The following GPCPD1 variants were observed in gnomAD, a reference collection of about 807,000 sequenced individuals.
GPCPD1 encodes glycerophosphocholine phosphodiesterase 1, also known as glycerophosphocholine phosphodiesterase GPCPD1.
In GPCPD1, 29 loss-of-function variants were observed where a neutral mutation model predicts 89.2. The ratio of observed to expected loss-of-function variants is 0.33; its 90% CI spans 0.24 to 0.44. The LOEUF is 0.44. Ranked by LOEUF, GPCPD1 falls within the 20% of genes least tolerant of loss-of-function variation. The pLI, the probability that GPCPD1 is intolerant of heterozygous loss-of-function variation, is 1.00. For missense variants in GPCPD1, 594 were observed against 808.9 expected (o/e 0.73, Z 3.22); for synonymous variants, 258 against 266.3 (o/e 0.97, Z 0.30).
chr20:5,607,308 A>G lies in GPCPD1; in HGVS notation c.-28-2868T>C, dbSNP rs527885144. ...TCTCAAAAGAAAAGAAAGAAAGAAA[A>G]AAGGCCGGGCATGGTGGCTCATGCC... On this transcript the variant is annotated intron_variant, in intron 1 of 19. Coordinates refer to ENST00000379019, the MANE Select transcript of GPCPD1 (RefSeq NM_019593.5). Among the ~76,000 whole-genome samples, 220 of 147,430 alleles carry G rather than the reference A, an allele frequency of 1.5e-3. 1 individual carries two copies. Among genetic ancestry groups the G allele is most frequent in the Middle Eastern group, 4.0e-3 (1 of 250 alleles).
intron 19 of GPCPD1, among the ~76,000 whole-genome samples, chr20:5,556,218 T>A (rs1985759357): frequency 6.6e-6 from 1 of 151,494 alleles, no homozygotes. Context: ...TAAACATAAC[T>A]TTTTTTTTAG....
intron 6 of GPCPD1, among the ~76,000 whole-genome samples, chr20:5,580,704 C>T (rs1360832387): frequency 1.4e-5 from 2 of 139,508 alleles, no homozygotes; most frequent in African/African-American, 5.4e-5. Context: ...CCAGCCTGGG[C>T]GGCAGAGCGA....
At chr20:5,587,379 T>TG (rs1316323267) in intron 4 of GPCPD1, among the ~76,000 whole-genome samples, 1 of 152,118 alleles carries the variant, frequency 6.6e-6, no homozygotes, top group Non-Finnish European at 1.5e-5. Flanking sequence ...CATACTCTTT[T>TG]TTTTTTTTAG....
intron 11 of GPCPD1, among the ~76,000 whole-genome samples, chr20:5,571,345 T>A (rs1210946397): frequency 1.3e-5 from 2 of 152,218 alleles, no homozygotes; most frequent in African/African-American, 2.4e-5. Context: ...AAGTTGTAGC[T>A]TTCTAATTTT....
intron 7 of GPCPD1, 107 bp from the exon 8 acceptor site, chr20:5,578,718 C>A (rs553483085): frequency 1.1e-5 from 7 of 663,236 alleles, no homozygotes; most frequent in Admixed American, 1.0e-4. Context: ...TATGCTAAAT[C>A]TTCGAATAAC....
intron 2 of GPCPD1, among the ~76,000 whole-genome samples, chr20:5,603,241 T>A (rs796276757): frequency 4.6e-5 from 7 of 152,114 alleles, no homozygotes; most frequent in African/African-American, 1.7e-4. Flanking sequence ...TGCAGTGAGC[T>A]GGGATCGCAT....
At chr20:5,549,608 C>A in intron 19 of GPCPD1, 1 of 553,570 alleles carries the variant, frequency 1.8e-6, no homozygotes. Flanking sequence ...ATTTAATTTC[C>A]ATCCAAATGT....
intron 6 of GPCPD1, among the ~76,000 whole-genome samples, chr20:5,580,738 A>G (rs1053896973): frequency 2.0e-5 from 3 of 151,878 alleles, no homozygotes; most frequent in Admixed American, 6.5e-5. Flanking sequence ...AAAAAAAAAA[A>G]AAAAGAAAAA....
At position 5,585,780 on chromosome 20, in the gene GPCPD1, C is replaced by T. The variant is rs145956275; in HGVS notation, c.307+414G>A. Reference sequence around the variant, plus strand: ...AAAAGAAAAAATAGAATAACTTACTCTATTAATATTCAAAGTTAAAAATTT... The same window carrying T: ...AAAAGAAAAAATAGAATAACTTACTTTATTAATATTCAAAGTTAAAAATTT... On this transcript the variant is annotated intron_variant, in intron 5 of 19. Transcript: ENST00000379019. 813 of 154,344 alleles carry T rather than the reference C, an allele frequency of 5.3e-3. 4 individuals are homozygous for T. Among genetic ancestry groups the T allele is most frequent in the Non-Finnish European group, 8.2e-3 (569 of 69,540 alleles). 9.6% of individuals were successfully genotyped at this position (154,344 alleles called of 1,614,324 possible).
intron 4 of GPCPD1, among the ~76,000 whole-genome samples, chr20:5,587,933 G>A (rs563374136): frequency 1.3e-4 from 20 of 152,130 alleles, no homozygotes; most frequent in African/African-American, 4.3e-4. Flanking sequence ...AAAATAGCAC[G>A]ATATATTTCT....
At chr20:5,564,588 G>T (rs1013000007) in intron 15 of GPCPD1, among the ~76,000 whole-genome samples, 1 of 152,164 alleles carries the variant, frequency 6.6e-6, no homozygotes, top group African/African-American at 2.4e-5. Context: ...AACCCTTGGG[G>T]AGGCTGAGGC....
chr20:5,583,249 G>C (rs1305121811), intron 6 of GPCPD1, among the ~76,000 whole-genome samples: 1 of 96,670 alleles, frequency 1.0e-5, no homozygotes. Flanking sequence ...AAAAAAAAAA[G>C]AATTCCAGTC....
At chr20:5,594,214 C>G (rs1281012936) in intron 3 of GPCPD1, among the ~76,000 whole-genome samples, 2 of 152,178 alleles carry the variant, frequency 1.3e-5, no homozygotes, top group Non-Finnish European at 2.9e-5. Context: ...TGCAAATTCT[C>G]AGGCCCTACC....
intron 7 of GPCPD1, among the ~76,000 whole-genome samples, chr20:5,579,350 A>G (rs968026202): frequency 5.3e-5 from 8 of 151,914 alleles, no homozygotes; most frequent in African/African-American, 1.9e-4. Context: ...AATCATTTCC[A>G]TTATATCAAT....
At chr20:5,610,580 G>A (rs914027729) in intron 1 of GPCPD1, among the ~76,000 whole-genome samples, 1 of 152,036 alleles carries the variant, frequency 6.6e-6, no homozygotes, top group African/African-American at 2.4e-5. Flanking sequence ...GTATTTTTTA[G>A]AAGGGAACTA....
At chr20:5,568,421 ACT>A (rs1491360550) in intron 12 of GPCPD1, among the ~76,000 whole-genome samples, 1 of 152,008 alleles carries the variant, frequency 6.6e-6, no homozygotes, top group Admixed American at 6.6e-5. Context: ...CTTCTGAAAT[ACT>A]TTTTTTTTTT....
At chr20:5,592,410 T>C (rs751239104) in intron 4 of GPCPD1, among the ~76,000 whole-genome samples, 5 of 152,234 alleles carry the variant, frequency 3.3e-5, no homozygotes, top group Non-Finnish European at 5.9e-5. Context: ...ATTCACAAAA[T>C]ATTCTTGGAA....
At chr20:5,594,141 T>C (rs949636862) in intron 3 of GPCPD1, among the ~76,000 whole-genome samples, 1 of 152,188 alleles carries the variant, frequency 6.6e-6, no homozygotes, top group African/African-American at 2.4e-5. Context: ...CTTCAAATAA[T>C]AAACTAGTGC....
At chr20:5,550,112 T>G (rs2122522704) in intron 19 of GPCPD1, among the ~76,000 whole-genome samples, 1 of 151,742 alleles carries the variant, frequency 6.6e-6, no homozygotes, top group Non-Finnish European at 1.5e-5. Flanking sequence ...AGAATTTGCT[T>G]GAACCCAGTA....
Sources: allele counts gnomAD v4.1 joint callset (sites outside exome capture counted in the v4.1 genomes callset), GRCh38; gene constraint gnomAD v4.1.1; transcripts MANE v1.5; gene names NCBI Gene and HGNC (gene_info 2026-07-23, HGNC 2026-07-21).